CNTNAP2: variants seen among roughly 807,000 people sequenced by gnomAD.
The protein encoded by CNTNAP2 is contactin-associated protein-like 2.
In CNTNAP2, 98 loss-of-function variants were observed where a neutral mutation model predicts 155.2. That is an observed-to-expected ratio of 0.63 (90% confidence interval 0.54 to 0.75). The LOEUF (loss-of-function observed/expected upper bound fraction) is 0.75, where lower values mean the gene tolerates loss of function less well. Ranked by LOEUF, CNTNAP2 falls within the 30% of genes least tolerant of loss-of-function variation. The pLI is 0.00. For missense variants in CNTNAP2, 1,727 were observed against 1,688.1 expected, an observed-to-expected ratio of 1.02 and a Z score of -0.40; for synonymous variants, 651 against 631.2, an observed-to-expected ratio of 1.03 and a Z score of -0.47.
At chr7:147,308,528 G>T (rs927755161) in intron 9 of CNTNAP2, among the ~76,000 whole-genome samples, 1 of 152,162 alleles carries the variant, frequency 6.6e-6, no homozygotes, top group Non-Finnish European at 1.5e-5. Flanking sequence ...GGGTGTGAAA[G>T]CCAAAGGGTC....
chr7:146,454,650 T>C (rs1267471467), intron 1 of CNTNAP2, among the ~76,000 whole-genome samples: 2 of 151,968 alleles, frequency 1.3e-5, no homozygotes. Context: ...ATGAATACTG[T>C]ATGAAGTATT....
intron 3 of CNTNAP2, among the ~76,000 whole-genome samples, chr7:146,846,908 A>G (rs1265098359): frequency 6.6e-6 from 1 of 151,168 alleles, no homozygotes; most frequent in African/African-American, 2.5e-5. Flanking sequence ...GATATATGTA[A>G]TTATTCTTCT....
chr7:147,636,131 AAAGG>A (rs1795176837), intron 12 of CNTNAP2, among the ~76,000 whole-genome samples: 1 of 150,346 alleles, frequency 6.7e-6, no homozygotes, highest in African/African-American at 2.5e-5. Context: ...CAGAAGAACT[AAAGG>A]AAGGCAGTTA....
chr7:146,305,493 T>C (rs980269747), intron 1 of CNTNAP2, among the ~76,000 whole-genome samples: 1 of 152,112 alleles, frequency 6.6e-6, no homozygotes, highest in African/African-American at 2.4e-5. Context: ...GCTTTCCTTC[T>C]AACATTCAGG....
intron 3 of CNTNAP2, among the ~76,000 whole-genome samples, chr7:146,956,935 A>G (rs763349095): frequency 5.3e-5 from 8 of 152,174 alleles, no homozygotes; most frequent in Admixed American, 4.6e-4. Context: ...TAAAATATGT[A>G]CAGCCACGTG....
At chr7:146,704,194 T>C (rs1800924397) in intron 1 of CNTNAP2, among the ~76,000 whole-genome samples, 1 of 152,128 alleles carries the variant, frequency 6.6e-6, no homozygotes, top group African/African-American at 2.4e-5. Context: ...AAGTATGTCA[T>C]TGCCACTCAT....
intron 1 of CNTNAP2, among the ~76,000 whole-genome samples, chr7:146,476,668 A>G (rs1385052282): frequency 2.0e-5 from 3 of 152,172 alleles, no homozygotes; most frequent in Non-Finnish European, 2.9e-5. Flanking sequence ...TTTTGAAACA[A>G]TTGGTTAAGA....
At chr7:148,231,635 C>G (rs551064043) in intron 20 of CNTNAP2, among the ~76,000 whole-genome samples, 4 of 152,196 alleles carry the variant, frequency 2.6e-5, no homozygotes, top group Admixed American at 2.6e-4. Flanking sequence ...TTCACATATC[C>G]TAGGCCATAG....
At chr7:146,674,350 A>G (rs945671269) in intron 1 of CNTNAP2, among the ~76,000 whole-genome samples, 9 of 152,164 alleles carry the variant, frequency 5.9e-5, no homozygotes, top group Admixed American at 1.3e-4. Context: ...AATATTTTGA[A>G]GTATTAGTAG....
At chr7:147,133,048 G>A (rs1358617037) in intron 8 of CNTNAP2, among the ~76,000 whole-genome samples, 1 of 152,084 alleles carries the variant, frequency 6.6e-6, no homozygotes, top group Non-Finnish European at 1.5e-5. Flanking sequence ...TGTATCAACT[G>A]ACGGAAGACT....
At chr7:146,512,922 T>A in intron 1 of CNTNAP2, among the ~76,000 whole-genome samples, 1 of 152,010 alleles carries the variant, frequency 6.6e-6, no homozygotes, top group East Asian at 1.9e-4. Flanking sequence ...TTGTGGTGTA[T>A]ATGTCCATTT....
intron 2 of CNTNAP2, among the ~76,000 whole-genome samples, chr7:146,795,592 G>A (rs1802754308): frequency 6.6e-6 from 1 of 152,282 alleles, no homozygotes; most frequent in Non-Finnish European, 1.5e-5. Flanking sequence ...TCTGAAGCAG[G>A]GGCTAGAAGC....
chr7:146,819,374 A>G (rs7805995), intron 2 of CNTNAP2, among the ~76,000 whole-genome samples: 27,532 of 152,030 alleles, frequency 0.18, 7,865 homozygotes, highest in African/African-American at 0.61. Context: ...TTGCCACATT[A>G]TCTCACAAAA....
At chr7:148,251,354 C>T (rs1796359707) in intron 20 of CNTNAP2, among the ~76,000 whole-genome samples, 1 of 152,216 alleles carries the variant, frequency 6.6e-6, no homozygotes, top group Non-Finnish European at 1.5e-5. Flanking sequence ...CAAGATTTGT[C>T]CCAAATGCAA....
chr7:146,451,495 C>T (rs967208428), intron 1 of CNTNAP2, among the ~76,000 whole-genome samples: 15 of 152,130 alleles, frequency 9.9e-5, no homozygotes, highest in Admixed American at 2.0e-4. Context: ...CATGGGGATG[C>T]GACCTATGCA....
chr7:146,847,299 C>A (rs28492685), intron 3 of CNTNAP2, among the ~76,000 whole-genome samples: 3 of 151,982 alleles, frequency 2.0e-5, no homozygotes, highest in Non-Finnish European at 4.4e-5. Flanking sequence ...TGCCTGGAGA[C>A]GCCTGAGAGG....
chr7:147,214,866 T>A (rs1243049517), intron 8 of CNTNAP2, among the ~76,000 whole-genome samples: 1 of 152,090 alleles, frequency 6.6e-6, no homozygotes, highest in East Asian at 1.9e-4. Flanking sequence ...GACTCACAGT[T>A]CCACATGGCC....
At chr7:147,311,280 A>G (rs1178874591) in intron 9 of CNTNAP2, among the ~76,000 whole-genome samples, 3 of 152,170 alleles carry the variant, frequency 2.0e-5, no homozygotes, top group Admixed American at 6.5e-5. Context: ...GACAATCAAA[A>G]GATTTATTGG....
chr7:147,786,367 GA>G (rs146943121), intron 13 of CNTNAP2, among the ~76,000 whole-genome samples: 19,171 of 152,204 alleles, frequency 0.13, 2,168 homozygotes, highest in African/African-American at 0.3. Context: ...CAACAGTGAG[GA>G]GGGGGTCTGG....
Sources: allele counts gnomAD v4.1 joint callset (sites outside exome capture counted in the v4.1 genomes callset), GRCh38; gene constraint gnomAD v4.1.1; transcripts MANE v1.5; gene names NCBI Gene and HGNC (gene_info 2026-07-23, HGNC 2026-07-21).